The following DNAJC13 variants were observed in gnomAD, a reference collection of about 807,000 sequenced individuals.
DNAJC13 encodes the protein DnaJ heat shock protein family (Hsp40) member C13.
DNAJC13 carries 75 observed loss-of-function variants against 290.5 expected under a neutral mutation model. The ratio of observed to expected loss-of-function variants is 0.26; its 90% confidence interval spans 0.21 to 0.31. DNAJC13 has a LOEUF of 0.31. DNAJC13 is among the 10% of genes least tolerant of loss of function. DNAJC13 has a pLI of 1.00. For missense variants in DNAJC13, 2,260 were observed against 2,674.5 expected (o/e 0.85, Z 3.42); for synonymous variants, 862 against 892.0 (o/e 0.97, Z 0.60).
chr3:132,431,014 T>C (rs1187235451), intron 1 of DNAJC13, among the ~76,000 whole-genome samples: 1 of 152,238 alleles, frequency 6.6e-6, no homozygotes, highest in Non-Finnish European at 1.5e-5. Context: ...TTAAACTTGG[T>C]GTTACTTGTG....
chr3:132,510,898 TATA>T (rs1215753917), intron 43 of DNAJC13, among the ~76,000 whole-genome samples, 166 bp from the exon 44 acceptor site: 1 of 152,192 alleles, frequency 6.6e-6, no homozygotes, highest in Non-Finnish European at 1.5e-5. Context: ...AGAAATACTT[TATA>T]ATGTTTCCTG....
At chr3:132,480,661 G>A (rs1304595986) in intron 26 of DNAJC13, among the ~76,000 whole-genome samples, 191 bp downstream of exon 26, 1 of 152,164 alleles carries the variant, frequency 6.6e-6, no homozygotes, top group Non-Finnish European at 1.5e-5. Flanking sequence ...GGACAGTAAC[G>A]ATTGAGTTTT....
At chr3:132,443,091 T>A (rs1279063861) in intron 2 of DNAJC13, among the ~76,000 whole-genome samples, 2 of 152,224 alleles carry the variant, frequency 1.3e-5, no homozygotes, top group African/African-American at 2.4e-5. Flanking sequence ...GACTTGTGCC[T>A]CCCTGAATCC....
At chr3:132,514,329 C>T (rs186028366) in intron 45 of DNAJC13, among the ~76,000 whole-genome samples, 1 of 152,122 alleles carries the variant, frequency 6.6e-6, no homozygotes, top group Admixed American at 6.5e-5. Context: ...TTGGAAAACA[C>T]TATAGTATAT....
At position 132,463,756 on chromosome 3, in the gene DNAJC13, C is replaced by A. The variant is rs368250319; in HGVS notation, c.1831C>A (p.Pro611Thr). 48 of 1,613,294 alleles carry A rather than the reference C, an allele frequency of 3.0e-5. No individual in the cohort carries two copies. Among genetic ancestry groups the A allele is most frequent in the Non-Finnish European group, 3.9e-5 (46 of 1,179,474 alleles). ...QELALSEGAL[P>T]RHLHTAMFTI... ...GCTTGCCCTAAGTGAAGGTGCCTTA[C>A]CTCGACACTTGCATACTGCGATGTT... Residue 611 changes from proline to threonine, a missense_variant, in exon 17 of 56, where the codon CCT (proline) becomes ACT (threonine). Transcript: ENST00000260818.
intron 29 of DNAJC13, among the ~76,000 whole-genome samples, chr3:132,485,292 C>T (rs79126412): frequency 6.6e-6 from 1 of 152,040 alleles, no homozygotes; most frequent in Non-Finnish European, 1.5e-5. Context: ...CATGTGCCAC[C>T]ACACCCAGCT....
intron 53 of DNAJC13, among the ~76,000 whole-genome samples, chr3:132,526,722 T>C (rs1936267917): frequency 6.6e-6 from 1 of 152,254 alleles, no homozygotes; most frequent in South Asian, 2.1e-4. Flanking sequence ...CATGCCAAGA[T>C]ACTGCCTTTT....
At chr3:132,512,120 T>C (rs900387336) in intron 44 of DNAJC13, among the ~76,000 whole-genome samples, 1 of 152,170 alleles carries the variant, frequency 6.6e-6, no homozygotes, top group Non-Finnish European at 1.5e-5. Flanking sequence ...ATATTACTAG[T>C]GGTATGTTAG....
intron 36 of DNAJC13, among the ~76,000 whole-genome samples, chr3:132,498,903 A>G (rs1935321519): frequency 6.6e-6 from 1 of 151,922 alleles, no homozygotes; most frequent in Admixed American, 6.6e-5. Flanking sequence ...TTTTTAGTAG[A>G]GAAAGGGTTT....
At chr3:132,435,804 G>A (rs531946109) in intron 2 of DNAJC13, among the ~76,000 whole-genome samples, 154 of 152,188 alleles carry the variant, frequency 1.0e-3, no homozygotes, top group African/African-American at 3.4e-3. Context: ...TATGACTTCC[G>A]TTTTTAATAT....
intron 39 of DNAJC13, among the ~76,000 whole-genome samples, chr3:132,501,912 A>G (rs544399589): frequency 2.6e-5 from 4 of 152,220 alleles, no homozygotes; most frequent in African/African-American, 7.2e-5. Flanking sequence ...AAAAACTGAC[A>G]TAAATAAATC....
chr3:132,495,493 A>AGTCACCAT (rs1185985165), intron 35 of DNAJC13, among the ~76,000 whole-genome samples: 2 of 152,180 alleles, frequency 1.3e-5, no homozygotes, highest in African/African-American at 2.4e-5. Context: ...TGTAGGTTTT[A>AGTCACCAT]GGTGATACCA....
chr3:132,480,519 AT>A, intron 26 of DNAJC13, 49 bp downstream of exon 26: 1 of 1,339,394 alleles, frequency 7.5e-7, no homozygotes, highest in Non-Finnish European at 1.1e-6. Context: ...TTTGAGTATA[AT>A]TTTAGAGGCA....
chr3:132,513,545 C>T (rs1935839582), intron 45 of DNAJC13, among the ~76,000 whole-genome samples: 1 of 152,166 alleles, frequency 6.6e-6, no homozygotes, highest in South Asian at 2.1e-4. Flanking sequence ...TTGAAACTCC[C>T]TTCTTACAAA....
chr3:132,534,935 C>T (rs1936544493), intron 55 of DNAJC13, among the ~76,000 whole-genome samples: 1 of 152,162 alleles, frequency 6.6e-6, no homozygotes, highest in African/African-American at 2.4e-5. Flanking sequence ...GATAAAATCC[C>T]ATGATGTGGA....
intron 43 of DNAJC13, among the ~76,000 whole-genome samples, chr3:132,508,063 T>C (rs1289589045): frequency 6.6e-6 from 1 of 152,166 alleles, no homozygotes; most frequent in Non-Finnish European, 1.5e-5. Context: ...ATTGCTGATA[T>C]ATGGAAAGTT....
At chr3:132,423,091 G>A (rs1206477710) in intron 1 of DNAJC13, among the ~76,000 whole-genome samples, 1 of 152,080 alleles carries the variant, frequency 6.6e-6, no homozygotes, top group Non-Finnish European at 1.5e-5. Context: ...GATCACTCGA[G>A]GCCAGGAGCT....
intron 38 of DNAJC13, among the ~76,000 whole-genome samples, chr3:132,500,408 G>C (rs142540430): frequency 6.6e-6 from 1 of 152,236 alleles, no homozygotes; most frequent in East Asian, 1.9e-4. Flanking sequence ...TTAATCCAGA[G>C]GCCAGCAAAC....
chr3:132,468,515 A>T (rs1003588850), intron 20 of DNAJC13, among the ~76,000 whole-genome samples: 2 of 152,208 alleles, frequency 1.3e-5, no homozygotes, highest in African/African-American at 4.8e-5. Flanking sequence ...AAGAATCATT[A>T]GGCTTTCAAG....
Sources: allele counts gnomAD v4.1 joint callset (sites outside exome capture counted in the v4.1 genomes callset), GRCh38; gene constraint gnomAD v4.1.1; transcripts MANE v1.5; gene names NCBI Gene and HGNC (gene_info 2026-07-23, HGNC 2026-07-21).